SLC25A21: variants seen among roughly 807,000 people sequenced by gnomAD.
SLC25A21 encodes the protein solute carrier family 25 member 21, also known as mitochondrial 2-oxodicarboxylate carrier.
A neutral mutation model predicts 43.8 loss-of-function variants in SLC25A21; 47 were observed. The ratio of observed to expected loss-of-function variants is 1.07; its 90% confidence interval spans 0.85 to 1.37. The LOEUF is 1.37. SLC25A21 is among the 40% of genes most tolerant of loss of function. SLC25A21 has a pLI of 0.00. For synonymous variants in SLC25A21, 131 were observed against 121.3 expected, an observed-to-expected ratio of 1.08 and a Z score of -0.52; for missense variants, 352 against 350.2, an observed-to-expected ratio of 1.00 and a Z score of -0.04.
At chr14:36,975,285 T>A (rs1399811066) in intron 1 of SLC25A21, among the ~76,000 whole-genome samples, 14 of 152,232 alleles carry the variant, frequency 9.2e-5, no homozygotes, top group Non-Finnish European at 2.1e-4. Context: ...GATGGGCGTT[T>A]GAGCTGGTTT....
At chr14:37,024,575 T>A (rs1259730597) in intron 1 of SLC25A21, among the ~76,000 whole-genome samples, 2 of 152,058 alleles carry the variant, frequency 1.3e-5, no homozygotes, top group African/African-American at 4.8e-5. Context: ...ACGTTTACCC[T>A]TTGGGAGGAA....
At chr14:36,977,481 T>C (rs1304458275) in intron 1 of SLC25A21, among the ~76,000 whole-genome samples, 1 of 152,152 alleles carries the variant, frequency 6.6e-6, no homozygotes, top group East Asian at 1.9e-4. Context: ...TCTCTAAAAA[T>C]GAAACACTAA....
intron 3 of SLC25A21, among the ~76,000 whole-genome samples, chr14:36,736,946 G>C (rs939996577): frequency 1.3e-5 from 2 of 152,146 alleles, no homozygotes; most frequent in Admixed American, 6.5e-5. Context: ...TGGTCAGAAC[G>C]GTCTAAAGAT....
At chr14:37,009,771 G>T (rs1015020568) in intron 1 of SLC25A21, among the ~76,000 whole-genome samples, 5 of 152,168 alleles carry the variant, frequency 3.3e-5, no homozygotes, top group Non-Finnish European at 7.3e-5. Flanking sequence ...ACATCATCTA[G>T]TGGTCCAACT....
intron 1 of SLC25A21, among the ~76,000 whole-genome samples, chr14:37,019,725 A>ATTT (rs1960943325): frequency 6.6e-6 from 1 of 151,878 alleles, no homozygotes; most frequent in Non-Finnish European, 1.5e-5. Context: ...GGGGCCTAAA[A>ATTT]AGGGAAGTGA....
chr14:37,157,390 AT>A (rs1341627614), intron 1 of SLC25A21, among the ~76,000 whole-genome samples: 1 of 152,144 alleles, frequency 6.6e-6, no homozygotes. Context: ...CATATCAAGT[AT>A]CTTCTCAGAC....
intron 1 of SLC25A21, among the ~76,000 whole-genome samples, chr14:37,033,977 C>G (rs1417277732): frequency 6.6e-6 from 1 of 151,826 alleles, no homozygotes; most frequent in Non-Finnish European, 1.5e-5. Flanking sequence ...ATAAGGTTCC[C>G]AAATGGCACT....
intron 7 of SLC25A21, among the ~76,000 whole-genome samples, chr14:36,686,558 T>A (rs17105051): frequency 0.1 from 15,184 of 152,226 alleles, 1,111 homozygotes; most frequent in Admixed American, 0.25. Flanking sequence ...TGTATCATTT[T>A]TCTGAGAAAT....
intron 1 of SLC25A21, among the ~76,000 whole-genome samples, chr14:36,953,384 A>T (rs1959239364): frequency 6.6e-6 from 1 of 152,194 alleles, no homozygotes; most frequent in African/African-American, 2.4e-5. Flanking sequence ...TTAGTCATAC[A>T]TCTCACTATA....
At chr14:37,079,539 A>G (rs1962346679) in intron 1 of SLC25A21, among the ~76,000 whole-genome samples, 1 of 152,224 alleles carries the variant, frequency 6.6e-6, no homozygotes, top group African/African-American at 2.4e-5. Context: ...GAGTTACCGG[A>G]GTGATCATCA....
intron 1 of SLC25A21, among the ~76,000 whole-genome samples, chr14:37,110,772 A>G (rs922251731): frequency 2.6e-5 from 4 of 152,190 alleles, no homozygotes; most frequent in Admixed American, 6.5e-5. Flanking sequence ...TCAATGACTG[A>G]TAACATAATA....
At chr14:37,068,196 G>A (rs908505677) in intron 1 of SLC25A21, among the ~76,000 whole-genome samples, 1 of 152,230 alleles carries the variant, frequency 6.6e-6, no homozygotes, top group Non-Finnish European at 1.5e-5. Flanking sequence ...AGGATTTTAA[G>A]CAGGAGAAAG....
At chr14:37,118,096 C>T (rs963366059) in intron 1 of SLC25A21, among the ~76,000 whole-genome samples, 9 of 151,960 alleles carry the variant, frequency 5.9e-5, no homozygotes, top group African/African-American at 2.2e-4. Context: ...GGTAGGAACC[C>T]GAATTATACT....
At chr14:36,935,848 C>A (rs1338173347) in intron 1 of SLC25A21, among the ~76,000 whole-genome samples, 2 of 152,072 alleles carry the variant, frequency 1.3e-5, no homozygotes, top group African/African-American at 2.4e-5. Flanking sequence ...GGTGTCAATA[C>A]AATAACATAT....
chr14:36,736,160 C>T (rs923069519), intron 3 of SLC25A21, among the ~76,000 whole-genome samples: 32 of 152,086 alleles, frequency 2.1e-4, no homozygotes, highest in Non-Finnish European at 1.0e-4. Flanking sequence ...TGGTCTCGAT[C>T]TCCTGACCTC....
chr14:37,112,281 A>G (rs1475611698), intron 1 of SLC25A21, among the ~76,000 whole-genome samples: 1 of 152,192 alleles, frequency 6.6e-6, no homozygotes, highest in Non-Finnish European at 1.5e-5. Flanking sequence ...GACACGGACC[A>G]CTGGAGAACA....
At chr14:36,711,597 T>A in intron 6 of SLC25A21, 115 bp from the exon 7 acceptor site, 1 of 1,188,560 alleles carries the variant, frequency 8.4e-7, no homozygotes, top group Non-Finnish European at 1.2e-6. Flanking sequence ...TTCCCCCAGA[T>A]ATGAATAATC....
chr14:36,868,198 T>G (rs1044403851), intron 2 of SLC25A21, among the ~76,000 whole-genome samples: 1 of 152,196 alleles, frequency 6.6e-6, no homozygotes, highest in African/African-American at 2.4e-5. Flanking sequence ...AACTACCCTT[T>G]GGCCTTCCCA....
At chr14:36,863,623 A>AT (rs923148482) in intron 2 of SLC25A21, among the ~76,000 whole-genome samples, 11 of 152,164 alleles carry the variant, frequency 7.2e-5, no homozygotes, top group African/African-American at 2.4e-4. Flanking sequence ...AACTGACTGC[A>AT]TTTTTTTAAA....
Sources: gnomAD v4.1 joint callset for allele counts (sites outside exome capture counted in the v4.1 genomes callset) on GRCh38, gnomAD v4.1.1 for gene constraint, MANE v1.5 for transcripts, NCBI Gene and HGNC (gene_info 2026-07-23, HGNC 2026-07-21) for gene names.